Variants in ENOX1 observed in about 807,000 individuals in gnomAD.
The protein encoded by ENOX1 is candidate growth-related and time keeping constitutive hydroquinone (NADH) oxidase.
In ENOX1, 42 loss-of-function variants were observed where a neutral mutation model predicts 82.5. The ratio of observed to expected loss-of-function variants is 0.51; its 90% CI spans 0.40 to 0.66. The LOEUF is 0.66. Among genes scored for constraint, ENOX1 ranks in the 30% least tolerant of loss-of-function variants. The pLI, the probability that ENOX1 is intolerant of heterozygous loss-of-function variation, is 0.00. For missense variants in ENOX1, 608 were observed against 811.6 expected (o/e 0.75, Z 3.05); for synonymous variants, 271 against 282.2 (o/e 0.96, Z 0.40).
At chr13:43,335,675 T>G (rs2048658221) in intron 9 of ENOX1, among the ~76,000 whole-genome samples, 1 of 151,754 alleles carries the variant, frequency 6.6e-6, no homozygotes, top group African/African-American at 2.4e-5. Flanking sequence ...TTGATTTCTA[T>G]CTTACATTTT....
Position 43,251,685 on chromosome 13 carries a change from T to C in ENOX1, c.1611+13713A>G, listed in dbSNP as rs190202442. On this transcript the variant is annotated intron_variant, in intron 14 of 16. Coordinates refer to ENST00000690772, the MANE Select transcript of ENOX1 (RefSeq NM_001347969.2). ...TTTGCATTGCAGACAAAAAGGGCGATAAGATAGATGGAGAAGCTGAGTTAT... is the reference window on the plus strand; with the variant it reads ...TTTGCATTGCAGACAAAAAGGGCGACAAGATAGATGGAGAAGCTGAGTTAT... Among the ~76,000 whole-genome samples the C allele has an allele frequency of 5.9e-5, 9 of 152,274 alleles. No individual in the cohort carries two copies. In the East Asian group the frequency reaches 1.7e-3, roughly 29 times the overall value.
chr13:43,616,168 ATC>A (rs1388186645), intron 2 of ENOX1, among the ~76,000 whole-genome samples: 3 of 7,170 alleles, frequency 4.2e-4, no homozygotes, highest in African/African-American at 5.8e-4. Context: ...ATATCTATCT[ATC>A]TATCTATCTA....
chr13:43,730,567 C>T (rs1428395342), intron 1 of ENOX1, among the ~76,000 whole-genome samples: 1 of 152,178 alleles, frequency 6.6e-6, no homozygotes, highest in Non-Finnish European at 1.5e-5. Context: ...CCCTCAAAAC[C>T]ATGCTCAAAT....
chr13:43,735,216 C>CT (rs1173616175), intron 1 of ENOX1, among the ~76,000 whole-genome samples: 2 of 152,174 alleles, frequency 1.3e-5, no homozygotes, highest in Non-Finnish European at 2.9e-5. Context: ...ACATTTAGGA[C>CT]AACATGCTAG....
At chr13:43,505,360 T>G (rs1385985539) in intron 2 of ENOX1, among the ~76,000 whole-genome samples, 1 of 151,888 alleles carries the variant, frequency 6.6e-6, no homozygotes, top group Non-Finnish European at 1.5e-5. Flanking sequence ...AAGGCAGAAA[T>G]TTGAGAGAAT....
rs2078408525 is a variant in ENOX1, at chr13:43,535,279, A to AAATAC, written c.-218-51132_-218-51128dup. 3.3e-5 allele frequency among the ~76,000 whole-genome samples: 5 copies of AAATAC among 152,220 alleles called. No homozygotes were observed. The South Asian group carries it at 1.0e-3, about 32-fold the overall frequency. On this transcript the variant is annotated intron_variant, in intron 2 of 16. Coordinates refer to ENST00000690772, the MANE Select transcript of ENOX1 (RefSeq NM_001347969.2). ...ACAAACACATTTTCTTATATTCTGA[A>AAATAC]AATACAAGAAAGAATAAAGACTTAG...
At chr13:43,663,424 T>G (rs1330018231) in intron 2 of ENOX1, among the ~76,000 whole-genome samples, 1 of 152,166 alleles carries the variant, frequency 6.6e-6, no homozygotes, top group African/African-American at 2.4e-5. Flanking sequence ...TCCCCTCTGT[T>G]TCATTTAGAA....
At chr13:43,624,569 A>G (rs1258976994) in intron 2 of ENOX1, among the ~76,000 whole-genome samples, 1 of 152,096 alleles carries the variant, frequency 6.6e-6, no homozygotes, top group African/African-American at 2.4e-5. Flanking sequence ...ATTTTTACAT[A>G]AGGTGTGCTA....
intron 6 of ENOX1, 133 bp from the exon 7 acceptor site, chr13:43,360,190 T>C (rs908531771): frequency 2.7e-6 from 2 of 746,300 alleles, no homozygotes; most frequent in African/African-American, 3.5e-5. Flanking sequence ...CAACTTAACA[T>C]TGATCCCAGG....
chr13:43,344,894 GC>G, intron 8 of ENOX1, 144 bp from the exon 9 acceptor site: 1 of 758,822 alleles, frequency 1.3e-6, no homozygotes, highest in Non-Finnish European at 2.1e-6. Context: ...GAGACTGACT[GC>G]CATATCATCA....
chr13:43,760,906 C>T (rs1950932774), intron 1 of ENOX1, among the ~76,000 whole-genome samples: 1 of 150,362 alleles, frequency 6.7e-6, no homozygotes, highest in Non-Finnish European at 1.5e-5. Flanking sequence ...ATGCCACCTG[C>T]CTGGCAATGA....
chr13:43,381,233 A>G (rs1049975591), intron 5 of ENOX1, among the ~76,000 whole-genome samples: 2 of 151,810 alleles, frequency 1.3e-5, no homozygotes, highest in Non-Finnish European at 1.5e-5. Flanking sequence ...GTATTAAATT[A>G]TAAAATAGTG....
intron 10 of ENOX1, among the ~76,000 whole-genome samples, chr13:43,325,952 G>A (rs184609254): frequency 6.6e-6 from 1 of 152,232 alleles, no homozygotes; most frequent in Non-Finnish European, 1.5e-5. Context: ...CTGGAGAGAA[G>A]TGTAATAGGA....
At chr13:43,282,928 TA>T (rs773932560) in intron 12 of ENOX1, among the ~76,000 whole-genome samples, 2 of 151,742 alleles carry the variant, frequency 1.3e-5, no homozygotes, top group East Asian at 1.9e-4. Context: ...CCATCTCTAC[TA>T]AAAAAATACA....
intron 11 of ENOX1, among the ~76,000 whole-genome samples, chr13:43,312,754 G>A (rs2047278501): frequency 6.6e-6 from 1 of 152,146 alleles, no homozygotes; most frequent in Non-Finnish European, 1.5e-5. Flanking sequence ...CCAATTTCCA[G>A]AATAATTTTT....
chr13:43,531,841 G>A (rs1173649972), intron 2 of ENOX1, among the ~76,000 whole-genome samples: 14 of 149,136 alleles, frequency 9.4e-5, no homozygotes, highest in Non-Finnish European at 1.5e-4. Flanking sequence ...ACCCAACACC[G>A]CATGTTCTCA....
At chr13:43,515,322 G>T (rs1279146882) in intron 2 of ENOX1, among the ~76,000 whole-genome samples, 1 of 152,166 alleles carries the variant, frequency 6.6e-6, no homozygotes, top group African/African-American at 2.4e-5. Flanking sequence ...GTGGGGCCAA[G>T]AATCTGCATT....
Position 43,776,451 on chromosome 13 carries a change from T to C in ENOX1, c.-285+10201A>G, listed in dbSNP as rs547836191. Among the ~76,000 whole-genome samples the C allele has an allele frequency of 1.1e-4, 16 of 151,950 alleles. 1 individual carries two copies. The highest frequency in any genetic ancestry group is 3.9e-4 in the African/African-American group (16 of 41,428). On this transcript the variant is annotated intron_variant, in intron 1 of 16. Transcript: ENST00000690772. ...TGGAACTAGTAAGATTTTTTTGGAG[T>C]GGAAGAAGCTACAATGTCAGAAGAC... is the stretch of plus-strand genomic sequence containing the variant.
At chr13:43,568,198 T>C (rs2080002052) in intron 2 of ENOX1, among the ~76,000 whole-genome samples, 1 of 152,204 alleles carries the variant, frequency 6.6e-6, no homozygotes, top group African/African-American at 2.4e-5. Context: ...GCAACAATAT[T>C]TTGATAAAAG....
Sources: gnomAD v4.1 joint callset for allele counts (sites outside exome capture counted in the v4.1 genomes callset) on GRCh38, gnomAD v4.1.1 for gene constraint, MANE v1.5 for transcripts, NCBI Gene and HGNC (gene_info 2026-07-23, HGNC 2026-07-21) for gene names.